PRKCB: variants seen among roughly 807,000 people sequenced by gnomAD.
The protein encoded by PRKCB is protein kinase C beta.
Under a neutral mutation model 81.5 loss-of-function variants are expected in PRKCB, and 13 were observed. The ratio of observed to expected loss-of-function variants is 0.16; its 90% CI spans 0.10 to 0.25. The LOEUF (loss-of-function observed/expected upper bound fraction) is 0.25. Among genes scored for constraint, PRKCB ranks in the 10% least tolerant of loss-of-function variants. The pLI is 1.00. For synonymous variants in PRKCB, 335 were observed against 321.4 expected (o/e 1.04, Z -0.45); for missense variants, 509 against 875.7 (o/e 0.58, Z 5.29).
intron 6 of PRKCB, among the ~76,000 whole-genome samples, 173 bp downstream of exon 6, chr16:24,093,120 A>G (rs1164840697): frequency 1.3e-5 from 2 of 151,742 alleles, no homozygotes; most frequent in Admixed American, 1.3e-4. Flanking sequence ...TCCATCTGCA[A>G]TTTTGTATTG....
chr16:23,883,102 A>C (rs1202556343), intron 2 of PRKCB, among the ~76,000 whole-genome samples: 1 of 152,090 alleles, frequency 6.6e-6, no homozygotes, highest in East Asian at 1.9e-4. Flanking sequence ...ATAGGTCCCC[A>C]CCCTCCATGG....
chr16:23,988,489 C>T lies in PRKCB; in HGVS notation c.206-19C>T. On this transcript the variant is annotated intron_variant, in intron 2 of 16. Coordinates refer to ENST00000643927, the MANE Select transcript of PRKCB (RefSeq NM_002738.7). ...CTTTCCTTCTTCCCTTCCTCCCACCCTGATTTTCTCTTTTGCAGTTTGCTG... is the reference window on the plus strand; with the variant it reads ...CTTTCCTTCTTCCCTTCCTCCCACCTTGATTTTCTCTTTTGCAGTTTGCTG... 2 of 1,610,604 alleles carry T rather than the reference C, an allele frequency of 1.2e-6. No individual in the cohort carries two copies. The highest frequency in any genetic ancestry group is 1.7e-6 in the Non-Finnish European group (2 of 1,176,998).
chr16:24,131,125 A>C (rs1212369227), intron 9 of PRKCB, among the ~76,000 whole-genome samples: 1 of 152,224 alleles, frequency 6.6e-6, no homozygotes, highest in African/African-American at 2.4e-5. Context: ...GTCAAGTAGG[A>C]AGAAGTCAGC....
At chr16:23,975,133 G>A (rs933487926) in intron 2 of PRKCB, among the ~76,000 whole-genome samples, 5 of 152,224 alleles carry the variant, frequency 3.3e-5, no homozygotes, top group Non-Finnish European at 7.3e-5. Flanking sequence ...CCATGGTCCT[G>A]TGTATGATTC....
chr16:24,082,869 G>A (rs1382621650), intron 5 of PRKCB, among the ~76,000 whole-genome samples: 1 of 151,350 alleles, frequency 6.6e-6, no homozygotes, highest in African/African-American at 2.4e-5. Flanking sequence ...CTTTATTAAA[G>A]TTTAAAAACT....
chr16:24,021,465 A>T (rs1268552612), intron 3 of PRKCB, among the ~76,000 whole-genome samples: 1 of 147,228 alleles, frequency 6.8e-6, no homozygotes, highest in African/African-American at 2.5e-5. Flanking sequence ...CCTGTCTTTG[A>T]TGCTGGGGAT....
intron 3 of PRKCB, among the ~76,000 whole-genome samples, chr16:24,013,202 C>T (rs572981855): frequency 6.6e-6 from 1 of 152,338 alleles, no homozygotes; most frequent in East Asian, 1.9e-4. Flanking sequence ...CAGCACACCA[C>T]ATACCTCTTC....
chr16:23,976,623 A>G (rs1406118747), intron 2 of PRKCB, among the ~76,000 whole-genome samples: 1 of 152,118 alleles, frequency 6.6e-6, no homozygotes, highest in Non-Finnish European at 1.5e-5. Context: ...ATGCCACCAC[A>G]CTTGGTTTTG....
chr16:23,980,230 G>A (rs1268805290), intron 2 of PRKCB, among the ~76,000 whole-genome samples: 1 of 152,246 alleles, frequency 6.6e-6, no homozygotes, highest in Non-Finnish European at 1.5e-5. Context: ...CCAGCCATTG[G>A]GCAGAAATGG....
At chr16:23,885,263 A>G (rs995362558) in intron 2 of PRKCB, among the ~76,000 whole-genome samples, 18 of 152,248 alleles carry the variant, frequency 1.2e-4, no homozygotes, top group Non-Finnish European at 2.4e-4. Context: ...TCTTAAGCAG[A>G]TGGGAGATCC....
chr16:24,051,891 C>T (rs1274405826), intron 5 of PRKCB, among the ~76,000 whole-genome samples: 3 of 151,852 alleles, frequency 2.0e-5, no homozygotes, highest in Non-Finnish European at 4.4e-5. Flanking sequence ...GCGAGTGAAT[C>T]ACCAGGTCAG....
intron 12 of PRKCB, among the ~76,000 whole-genome samples, chr16:24,179,064 C>T (rs1335468818): frequency 1.3e-5 from 2 of 152,304 alleles, no homozygotes; most frequent in African/African-American, 2.4e-5. Flanking sequence ...TTCTAGACTT[C>T]CATAATACCA....
chr16:23,970,178 G>A (rs767116341), intron 2 of PRKCB, among the ~76,000 whole-genome samples: 1 of 152,238 alleles, frequency 6.6e-6, no homozygotes, highest in Non-Finnish European at 1.5e-5. Flanking sequence ...GGCAGCTTGT[G>A]TGTTTGTATT....
At chr16:24,021,801 C>T (rs1008670993) in intron 3 of PRKCB, among the ~76,000 whole-genome samples, 1 of 152,128 alleles carries the variant, frequency 6.6e-6, no homozygotes, top group African/African-American at 2.4e-5. Context: ...CTAACTCCTC[C>T]ATCACTGGGC....
intron 3 of PRKCB, among the ~76,000 whole-genome samples, chr16:23,996,299 C>T (rs888076780): frequency 1.3e-5 from 2 of 152,222 alleles, no homozygotes; most frequent in South Asian, 2.1e-4. Flanking sequence ...TTTCCCCAGA[C>T]ACCCTGTCAT....
intron 2 of PRKCB, among the ~76,000 whole-genome samples, chr16:23,936,579 ATTTTTTTT>A (rs57643578): frequency 5.2e-5 from 5 of 96,042 alleles, no homozygotes; most frequent in Admixed American, 1.3e-4. Flanking sequence ...CACCCAACTA[ATTTTTTTT>A]TTTTTTTTTT....
chr16:24,151,038 CAAG>C (rs1450362383), intron 9 of PRKCB, among the ~76,000 whole-genome samples: 1 of 152,168 alleles, frequency 6.6e-6, no homozygotes. Context: ...TGCTGATTTG[CAAG>C]AAGATTTCAA....
intron 7 of PRKCB, among the ~76,000 whole-genome samples, chr16:24,096,334 G>A (rs2560405): frequency 0.38 from 57,608 of 151,876 alleles, 12,038 homozygotes; most frequent in Non-Finnish European, 0.48. Flanking sequence ...CCAGGAAAGC[G>A]TAAGGGCAGT....
At chr16:23,941,839 A>G (rs1964143947) in intron 2 of PRKCB, among the ~76,000 whole-genome samples, 1 of 152,318 alleles carries the variant, frequency 6.6e-6, no homozygotes, top group African/African-American at 2.4e-5. Context: ...TTAAGAATAA[A>G]TGAAAGATGG....
Sources: allele counts gnomAD v4.1 joint callset (sites outside exome capture counted in the v4.1 genomes callset), GRCh38; gene constraint gnomAD v4.1.1; transcripts MANE v1.5; gene names NCBI Gene and HGNC (gene_info 2026-07-23, HGNC 2026-07-21).